The following HCFC1 variants were observed in gnomAD, a reference collection of about 807,000 sequenced individuals.
HCFC1 encodes host cell factor C1, also known as host cell factor 1.
In HCFC1, 7 loss-of-function variants were observed where a neutral mutation model predicts 105.5. That is an observed-to-expected ratio of 0.07 (90% CI 0.04 to 0.12). The LOEUF (loss-of-function observed/expected upper bound fraction) is 0.12, where lower values mean the gene tolerates loss of function less well. HCFC1 is among the 10% of genes least tolerant of loss of function. The pLI is 1.00. For synonymous variants in HCFC1, 918 were observed against 828.1 expected (o/e 1.11, Z -1.86); for missense variants, 1,065 against 1,823.6 (o/e 0.58, Z 7.58).
chrX:153,952,375 G>A, intron 19 of HCFC1, 139 bp downstream of exon 19: 1 of 894,199 alleles, frequency 1.1e-6, no homozygotes, highest in African/African-American at 2.0e-5. Flanking sequence ...GGCCTGCCTG[G>A]GGTCCCCTGT....
At position 153,952,539 on chromosome X, in the gene HCFC1, G is replaced by A; in HGVS notation, c.4917C>T (p.Leu1639=). 2.5e-6 allele frequency: 3 copies of A among 1,177,091 alleles called. No homozygotes were observed. Among genetic ancestry groups the A allele is most frequent in the Non-Finnish European group, 3.4e-6 (3 of 877,212 alleles). The change falls in exon 19 of 26, where the codon CTC becomes CTT. Residue 1639 remains leucine, a synonymous_variant. Coordinates refer to ENST00000310441, the MANE Select transcript of HCFC1 (RefSeq NM_005334.3). ...EAQALAIQAV[L]QAAQQAVMGT... ...CCATGACGGCCTGCTGCGCGGCCTGGAGCACCGCCTGGATGGCCAGGGCCT... is the reference window on the plus strand; with the variant it reads ...CCATGACGGCCTGCTGCGCGGCCTGAAGCACCGCCTGGATGGCCAGGGCCT...
At chrX:153,963,851 G>A (rs1344409370) in intron 3 of HCFC1, among the ~76,000 whole-genome samples, 1 of 112,398 alleles carries the variant, frequency 8.9e-6, no homozygotes, top group Non-Finnish European at 1.9e-5. Flanking sequence ...GCAGCTCTAA[G>A]CCGACTCCGA....
At chrX:153,967,436 C>T (rs1177040538) in intron 1 of HCFC1, among the ~76,000 whole-genome samples, 1 of 112,430 alleles carries the variant, frequency 8.9e-6, no homozygotes, top group Non-Finnish European at 1.9e-5. Context: ...CCATCACCAC[C>T]TAGAGACTGG....
At chrX:153,960,460 A>C (rs2148589865) in intron 6 of HCFC1, 46 bp from the exon 7 acceptor site, 1 of 989,270 alleles carries the variant, frequency 1.0e-6, no homozygotes, top group Non-Finnish European at 1.4e-6. Context: ...GATGGAGGAA[A>C]CCCGCCACCC....
At position 153,960,347 on chromosome X, in the gene HCFC1, G is replaced by C. The variant is rs1251457357; in HGVS notation, c.972C>G (p.Gly324=). ...LEDNIPRARA[G]HCAVAINTRL... ...GGGTGTTGATGGCGACTGCGCAGTG[G>C]CCAGCCCGAGCACGGGGGATGTTGT... The change falls in exon 7 of 26, where the codon GGC becomes GGG. Residue 324 remains glycine, a synonymous_variant. Transcript: ENST00000310441. The C allele has an allele frequency of 5.0e-6, 6 of 1,206,303 alleles. No individual in the cohort carries two copies. Among genetic ancestry groups the C allele is most frequent in the Non-Finnish European group, 6.7e-6 (6 of 892,454 alleles).
In HCFC1 at chrX:153,954,645, G is replaced by A. The variant is rs782399563; in HGVS notation, c.3754C>T (p.Pro1252Ser). Residue 1252 changes from proline (P) to serine (S), a missense_variant, in exon 17 of 26, where the codon CCC becomes TCC. By Grantham distance (74) the Pro-to-Ser change is moderately conservative. This residue lies in a region of HCFC1 where 546 missense variants were observed against 599.9 expected (regional missense o/e 0.91). Transcript: ENST00000310441. ...CTCTCGCACACAGGTGCCATGCGGGGCTCCCCAGCACCCACGCTGGAACGG... is the reference window on the plus strand; with the variant it reads ...CTCTCGCACACAGGTGCCATGCGGGACTCCCCAGCACCCACGCTGGAACGG... ...MTRSSVGAGE[P>S]RMAPVCESLQ... The A allele has an allele frequency of 8.3e-6, 10 of 1,205,674 alleles. No individual in the cohort carries two copies. The highest frequency in any genetic ancestry group is 2.2e-5 in the Admixed American group (1 of 45,728).
chrX:153,956,808 G>A, intron 14 of HCFC1, 45 bp from the exon 15 acceptor site: 1 of 1,208,199 alleles, frequency 8.3e-7, no homozygotes, highest in Middle Eastern at 3.1e-4. Context: ...CACCAGGCTG[G>A]TAGATGCCAC....
At chrX:153,963,796 C>G (rs1484519890) in intron 3 of HCFC1, among the ~76,000 whole-genome samples, 1 of 112,554 alleles carries the variant, frequency 8.9e-6, no homozygotes, top group East Asian at 2.8e-4. Flanking sequence ...TTGGAAAATA[C>G]CCATCAGGAA....
In HCFC1 at chrX:153,948,472, A is replaced by G. The variant is rs1322276938; in HGVS notation, c.*875T>C. The stretch of plus-strand genomic sequence containing the variant: ...AGATCCCTGCCAAGAATTAGCCAAG[A>G]AGAAAAAAGTAAAAAAACAAAAACA... On this transcript the variant is annotated 3_prime_UTR_variant, in exon 26 of 26. Transcript: ENST00000310441. 5.4e-5 allele frequency: 6 copies of G among 112,019 alleles called. No homozygotes were observed. The highest frequency in any genetic ancestry group is 7.5e-5 in the Non-Finnish European group (4 of 53,081). The allele number at this position is 112,019 out of a possible 1,213,427, so 9.2% of individuals were successfully genotyped here.
At position 153,954,650 on chromosome X, in the gene HCFC1, C is replaced by G. The variant is rs1327306478; in HGVS notation, c.3749G>C (p.Gly1250Ala). Residue 1250 changes from glycine to alanine, a missense_variant, in exon 17 of 26, where the codon GGG (glycine) becomes GCG (alanine). Gly to Ala is a moderately conservative substitution (Grantham distance 60). Around this residue, in one of 17 missense-constraint regions of HCFC1, gnomAD observed 546 missense variants for 599.9 expected, o/e 0.91. Coordinates refer to ENST00000310441, the MANE Select transcript of HCFC1 (RefSeq NM_005334.3). ...AAMTRSSVGA[G>A]EPRMAPVCES... ...GCACACAGGTGCCATGCGGGGCTCC[C>G]CAGCACCCACGCTGGAACGGGTCAT... 6.6e-6 allele frequency: 8 copies of G among 1,204,928 alleles called. No homozygotes were observed. The highest frequency in any genetic ancestry group is 7.8e-6 in the Non-Finnish European group (7 of 892,547).
At chrX:153,961,889 C>T (rs926683463) in intron 5 of HCFC1, among the ~76,000 whole-genome samples, 2 of 112,201 alleles carry the variant, frequency 1.8e-5, no homozygotes, top group Non-Finnish European at 3.8e-5. Context: ...TTCATGTCCA[C>T]AGTTTCTAGG....
At chrX:153,965,955 C>T (rs782161774) in intron 1 of HCFC1, among the ~76,000 whole-genome samples, 167 of 112,174 alleles carry the variant, frequency 1.5e-3, no homozygotes, top group Non-Finnish European at 2.6e-3. Context: ...ACTGTCACCC[C>T]CAGGGCTCAA....
At position 153,960,287 on chromosome X, in the gene HCFC1, G is replaced by A. The variant is rs1170895851; in HGVS notation, c.1032C>T (p.Arg344=). ...AGCAGACCTGGTTGTTCCAGGCCTT[G>A]CGGTAGCCGTCACGCCCACTCCAAA... ...LYIWSGRDGY[R]KAWNNQVCCK... is the part of the protein sequence containing the mutation. Residue 344 remains arginine, a synonymous_variant, in exon 7 of 26, where the codon CGC becomes CGT. Transcript: ENST00000310441. The A allele has an allele frequency of 1.7e-6, 2 of 1,200,867 alleles. No individual in the cohort carries two copies. Among genetic ancestry groups the A allele is most frequent in the East Asian group, 3.0e-5 (1 of 33,376 alleles).
chrX:153,959,535 G>A (rs782804636), intron 8 of HCFC1, 44 bp from the exon 9 acceptor site: 10 of 1,194,548 alleles, frequency 8.4e-6, no homozygotes, highest in South Asian at 1.8e-5. Flanking sequence ...CCTTCTGCAC[G>A]ATGTCCCCAG....
At chrX:153,964,428 G>T in intron 2 of HCFC1, 144 bp from the exon 3 acceptor site, 1 of 868,766 alleles carries the variant, frequency 1.2e-6, no homozygotes, top group Non-Finnish European at 1.6e-6. Context: ...GTTGGTCCTT[G>T]CTGCCTTCTT....
At chrX:153,951,077 G>T in intron 22 of HCFC1, 79 bp from the exon 23 acceptor site, 3 of 956,120 alleles carry the variant, frequency 3.1e-6, no homozygotes, top group Admixed American at 4.7e-5. Flanking sequence ...CAGGTCCATG[G>T]TAACTATGGG....
At chrX:153,958,393 C>G in intron 10 of HCFC1, 144 bp from the exon 11 acceptor site, 2 of 676,624 alleles carry the variant, frequency 3.0e-6, no homozygotes, top group Non-Finnish European at 4.6e-6. Context: ...CAGCTTGGTT[C>G]CCCCTTCCTT....
At position 153,955,155 on chromosome X, in the gene HCFC1, T is replaced by A. The variant is rs1475688813; in HGVS notation, c.3244A>T (p.Thr1082Ser). The A allele has an allele frequency of 8.3e-7, 1 of 1,209,226 alleles. No homozygotes were observed. The highest frequency in any genetic ancestry group is 1.8e-5 in the African/African-American group (1 of 56,885). The change falls in exon 17 of 26, where the codon ACC (threonine) becomes TCC (serine). Residue 1082 changes from threonine to serine, a missense_variant. Thr to Ser is a moderately conservative substitution (Grantham distance 58). Coordinates refer to ENST00000310441, the MANE Select transcript of HCFC1 (RefSeq NM_005334.3). ...GTGTTGGTGGTGCCCGTCTCGTGGG[T>A]CTCGCAGGGCGGGTTCGAACAGACT... ...VRVCSNPPCE[T>S]HETGTTNTAT...
chrX:153,951,801 C>T lies in HCFC1; in HGVS notation c.5260+40G>A, dbSNP rs41301331. ...CGTCCTGCCCTCACCTCCCTGGGTG[C>T]CCCCACCACCCCAGCACCAATTCGC... On this transcript the variant is annotated intron_variant, in intron 20 of 25. Transcript: ENST00000310441. 4.5e-3 allele frequency: 5,204 copies of T among 1,168,441 alleles called. 10 individuals carry two copies. The highest frequency in any genetic ancestry group is 5.4e-3 in the Non-Finnish European group (4,715 of 873,166).
Sources: allele counts gnomAD v4.1 joint callset (sites outside exome capture counted in the v4.1 genomes callset), GRCh38; gene constraint gnomAD v4.1.1; regional missense constraint gnomAD v4.1.1; transcripts MANE v1.5; gene names NCBI Gene and HGNC (gene_info 2026-07-23, HGNC 2026-07-21).